The following PBX3 variants were observed in gnomAD, a reference collection of about 807,000 sequenced individuals.
PBX3 encodes pre-B-cell leukemia transcription factor 3.
In PBX3, 14 loss-of-function variants were observed where a neutral mutation model predicts 48.5. The observed-to-expected ratio is 0.29, with a 90% CI of 0.19 to 0.45. The LOEUF is 0.45. PBX3 is among the 20% of genes least tolerant of loss of function. The probability of loss-of-function intolerance (pLI) is 1.00; values close to 1 mark genes in which losing one functional copy is unlikely to be tolerated. For missense variants in PBX3, 386 were observed against 546.7 expected (o/e 0.71, Z 2.93); for synonymous variants, 210 against 200.3 (o/e 1.05, Z -0.41).
intron 2 of PBX3, among the ~76,000 whole-genome samples, chr9:125,792,038 ACACACACGCACGCACG>A (rs1373480753): frequency 2.0e-4 from 23 of 116,400 alleles, no homozygotes; most frequent in African/African-American, 8.7e-4. Context: ...AATACTACAC[ACACACACGCACGCACG>A]CACGCACGCA....
At chr9:125,884,111 G>C (rs1317474301) in intron 2 of PBX3, among the ~76,000 whole-genome samples, 1 of 152,180 alleles carries the variant, frequency 6.6e-6, no homozygotes, top group African/African-American at 2.4e-5. Flanking sequence ...AGCTGGAGAA[G>C]ACCATGCCTG....
At chr9:125,909,078 C>T (rs1440633152) in intron 2 of PBX3, among the ~76,000 whole-genome samples, 1 of 152,092 alleles carries the variant, frequency 6.6e-6, no homozygotes, top group Non-Finnish European at 1.5e-5. Context: ...AGATGCAGCT[C>T]CATTTAACAA....
chr9:125,915,948 TA>T, intron 3 of PBX3, 21 bp downstream of exon 3: 1 of 1,610,782 alleles, frequency 6.2e-7, no homozygotes, highest in Non-Finnish European at 8.5e-7. Context: ...GCCACTCTCA[TA>T]GTCCTACACA....
intron 2 of PBX3, among the ~76,000 whole-genome samples, chr9:125,838,182 C>T (rs1337412365): frequency 6.6e-6 from 1 of 152,174 alleles, no homozygotes; most frequent in Non-Finnish European, 1.5e-5. Flanking sequence ...CCCTGTGTAG[C>T]TAGGACTGCA....
At chr9:125,937,413 A>G (rs1429329646) in intron 5 of PBX3, among the ~76,000 whole-genome samples, 1 of 151,686 alleles carries the variant, frequency 6.6e-6, no homozygotes, top group East Asian at 1.9e-4. Flanking sequence ...ATGGAAAAAT[A>G]GCTTTATTAT....
At chr9:125,913,375 T>C (rs2132459856) in intron 2 of PBX3, among the ~76,000 whole-genome samples, 1 of 152,308 alleles carries the variant, frequency 6.6e-6, no homozygotes, top group South Asian at 2.1e-4. Context: ...TAAAACGTTA[T>C]AGTAATTGAT....
At chr9:125,932,634 G>A (rs918731403) in intron 4 of PBX3, among the ~76,000 whole-genome samples, 3 of 152,146 alleles carry the variant, frequency 2.0e-5, no homozygotes, top group African/African-American at 4.8e-5. Flanking sequence ...TCTAATTTGA[G>A]CATTTTAATA....
intron 2 of PBX3, among the ~76,000 whole-genome samples, chr9:125,842,605 A>G (rs1180558737): frequency 1.3e-5 from 2 of 152,186 alleles, no homozygotes; most frequent in African/African-American, 2.4e-5. Flanking sequence ...AGAAATGCAC[A>G]AGGCAGTTTT....
At chr9:125,813,212 C>T (rs554223839) in intron 2 of PBX3, among the ~76,000 whole-genome samples, 36 of 151,780 alleles carry the variant, frequency 2.4e-4, no homozygotes, top group African/African-American at 8.2e-4. Flanking sequence ...CACCACAGAG[C>T]ATTCAGATTT....
At chr9:125,947,589 A>G (rs1250296990) in intron 5 of PBX3, among the ~76,000 whole-genome samples, 3 of 152,170 alleles carry the variant, frequency 2.0e-5, no homozygotes, top group Admixed American at 2.0e-4. Flanking sequence ...AGTCTAAAAG[A>G]TGGCAAGGAA....
intron 5 of PBX3, among the ~76,000 whole-genome samples, chr9:125,941,643 C>A (rs1469405857): frequency 2.0e-5 from 3 of 152,162 alleles, no homozygotes; most frequent in African/African-American, 7.2e-5. Context: ...TTTCTGATTT[C>A]TTGACTTGCT....
At position 125,954,496 on chromosome 9, in the gene PBX3, GAA is replaced by G. The variant is rs556369592; in HGVS notation, c.844-6187_844-6186del. Among the ~76,000 whole-genome samples, 10 of 152,216 alleles carry G rather than the reference GAA, an allele frequency of 6.6e-5. No homozygotes were observed. In the East Asian group the frequency reaches 1.7e-3, roughly 26 times the overall value. ...AGAAATACACTTTCAAGAACAAAAA[GAA>G]GAGCATAAAATTTTAGACTTGAAGA... On this transcript the variant is annotated intron_variant, in intron 5 of 8. Coordinates refer to ENST00000373489, the MANE Select transcript of PBX3 (RefSeq NM_006195.6).
chr9:125,879,171 G>C (rs1490710718), intron 2 of PBX3, among the ~76,000 whole-genome samples: 3 of 147,152 alleles, frequency 2.0e-5, no homozygotes, highest in Non-Finnish European at 4.5e-5. Context: ...TCTGCCTCCT[G>C]GGTTCAAGTG....
At chr9:125,857,625 C>T (rs2132278886) in intron 2 of PBX3, among the ~76,000 whole-genome samples, 1 of 152,176 alleles carries the variant, frequency 6.6e-6, no homozygotes, top group Non-Finnish European at 1.5e-5. Flanking sequence ...TATTGTTATT[C>T]CATTAAAAGC....
chr9:125,951,078 A>G (rs150683797), intron 5 of PBX3, among the ~76,000 whole-genome samples: 33 of 152,286 alleles, frequency 2.2e-4, no homozygotes, highest in African/African-American at 6.0e-4. Context: ...CTTCAGTAGA[A>G]TTGGGTTTTT....
intron 3 of PBX3, among the ~76,000 whole-genome samples, chr9:125,925,859 A>G (rs1042663428): frequency 1.1e-4 from 16 of 152,232 alleles, no homozygotes; most frequent in Non-Finnish European, 1.9e-4. Flanking sequence ...AAAGTTGGAT[A>G]TGCTATTTCT....
intron 2 of PBX3, among the ~76,000 whole-genome samples, chr9:125,887,126 C>T (rs928999162): frequency 1.3e-5 from 2 of 152,068 alleles, no homozygotes; most frequent in African/African-American, 4.8e-5. Flanking sequence ...AGATAAATAA[C>T]CCAGCCATTT....
chr9:125,903,565 G>C (rs1038607311), intron 2 of PBX3, among the ~76,000 whole-genome samples: 6 of 151,702 alleles, frequency 4.0e-5, no homozygotes, highest in Non-Finnish European at 1.5e-5. Flanking sequence ...AGACTAATTT[G>C]GAGAAATACA....
At chr9:125,758,988 A>G (rs1368925556) in intron 2 of PBX3, among the ~76,000 whole-genome samples, 4 of 152,170 alleles carry the variant, frequency 2.6e-5, no homozygotes, top group Non-Finnish European at 4.4e-5. Context: ...AGGTTAAGTA[A>G]TTTGTCCCTG....
Sources: gnomAD v4.1 joint callset for allele counts (sites outside exome capture counted in the v4.1 genomes callset) on GRCh38, gnomAD v4.1.1 for gene constraint, MANE v1.5 for transcripts, NCBI Gene and HGNC (gene_info 2026-07-23, HGNC 2026-07-21) for gene names.